Variants in ACBD6 observed in about 807,000 individuals in gnomAD.
ACBD6 encodes acyl-CoA-binding domain-containing protein 6.
In ACBD6, 28 loss-of-function variants were observed where a neutral mutation model predicts 37.2. The observed-to-expected ratio is 0.75, with a 90% CI of 0.56 to 1.03. The LOEUF (loss-of-function observed/expected upper bound fraction) is 1.03, where lower values mean the gene tolerates loss of function less well. Among genes scored for constraint, ACBD6 ranks in the 50% least tolerant of loss-of-function variants. The pLI, the probability that ACBD6 is intolerant of heterozygous loss-of-function variation, is 0.00. For missense variants in ACBD6, 340 were observed against 337.4 expected (o/e 1.01, Z -0.06); for synonymous variants, 113 against 126.8 (o/e 0.89, Z 0.73).
At chr1:180,301,574 C>T (rs1342312145) in intron 7 of ACBD6, among the ~76,000 whole-genome samples, 1 of 152,044 alleles carries the variant, frequency 6.6e-6, no homozygotes, top group Non-Finnish European at 1.5e-5. Flanking sequence ...TGGTGGCAGA[C>T]CTCAAGTTAT....
chr1:180,502,023 C>T, intron 1 of ACBD6, 22 bp downstream of exon 1: 1 of 1,610,708 alleles, frequency 6.2e-7, no homozygotes, highest in Non-Finnish European at 8.5e-7. Context: ...CTCCCCCATC[C>T]ACCCTCTCCC....
chr1:180,370,111 G>T (rs1297033352), intron 6 of ACBD6, among the ~76,000 whole-genome samples: 3 of 152,134 alleles, frequency 2.0e-5, no homozygotes, highest in Non-Finnish European at 4.4e-5. Context: ...AAATATCAAA[G>T]TCCCTATTCT....
chr1:180,404,793 T>C (rs1647542637), intron 5 of ACBD6, among the ~76,000 whole-genome samples: 1 of 152,138 alleles, frequency 6.6e-6, no homozygotes, highest in Admixed American at 6.5e-5. Context: ...GAACTGTAGA[T>C]TTAAAAATGA....
intron 3 of ACBD6, among the ~76,000 whole-genome samples, chr1:180,478,560 C>T (rs535813945): frequency 1.3e-4 from 20 of 151,756 alleles, no homozygotes; most frequent in Middle Eastern, 3.4e-3. Context: ...ACAATCTCGG[C>T]TCACTGCAAC....
At chr1:180,431,427 A>C (rs1281272060) in intron 3 of ACBD6, among the ~76,000 whole-genome samples, 1 of 152,228 alleles carries the variant, frequency 6.6e-6, no homozygotes, top group African/African-American at 2.4e-5. Flanking sequence ...AACAAGAAGC[A>C]CTAGGTAAAT....
chr1:180,281,276 A>G (rs2149273484), intron 9 of ACBD6: 2 of 152,352 alleles, frequency 1.3e-5, no homozygotes, highest in East Asian at 3.9e-4. Flanking sequence ...GAAAGATATC[A>G]CTAGCCAGAA....
At chr1:180,283,976 C>T (rs1321436425), downstream of ACBD6, among the ~76,000 whole-genome samples, 2 of 152,152 alleles carry the variant, frequency 1.3e-5, no homozygotes, top group Non-Finnish European at 2.9e-5. Context: ...ACTCGTCTCC[C>T]TGGACTAAGA....
intron 7 of ACBD6, among the ~76,000 whole-genome samples, chr1:180,294,069 G>T (rs944826692): frequency 1.4e-4 from 21 of 151,668 alleles, no homozygotes; most frequent in Non-Finnish European, 2.4e-4. Flanking sequence ...TAATTTTTGT[G>T]TATGTAGTAG....
intron 6 of ACBD6, among the ~76,000 whole-genome samples, chr1:180,381,502 A>C (rs146688548): frequency 1.5e-3 from 233 of 152,330 alleles, no homozygotes; most frequent in African/African-American, 5.4e-3. Context: ...AAAAAACTGA[A>C]ATCATATCAA....
chr1:180,493,619 T>A (rs1651612859), intron 2 of ACBD6, among the ~76,000 whole-genome samples: 1 of 152,238 alleles, frequency 6.6e-6, no homozygotes, highest in African/African-American at 2.4e-5. Flanking sequence ...TCATAACACT[T>A]CATCCCTAAA....
chr1:180,337,271 C>G (rs371715826), intron 6 of ACBD6, among the ~76,000 whole-genome samples: 18 of 152,080 alleles, frequency 1.2e-4, no homozygotes, highest in African/African-American at 4.3e-4. Context: ...ACTGAAAAAC[C>G]GAATCCAGCA....
chr1:180,441,895 G>T (rs958277978), intron 3 of ACBD6, among the ~76,000 whole-genome samples: 2 of 152,024 alleles, frequency 1.3e-5, no homozygotes, highest in Admixed American at 6.5e-5. Flanking sequence ...TAATTGCTCT[G>T]GCTAGAATTT....
intron 3 of ACBD6, among the ~76,000 whole-genome samples, chr1:180,467,124 T>C (rs767496517): frequency 2.6e-5 from 4 of 152,018 alleles, no homozygotes; most frequent in Non-Finnish European, 4.4e-5. Context: ...TATCTTTTAT[T>C]TTTTTAGAGC....
chr1:180,285,956 G>T (rs1392408906), downstream of ACBD6, among the ~76,000 whole-genome samples: 5 of 152,098 alleles, frequency 3.3e-5, no homozygotes, highest in Non-Finnish European at 5.9e-5. Flanking sequence ...AGGTTTAAAA[G>T]ATTTAGTTAG....
rs572326685 is a variant in ACBD6, at chr1:180,473,395, C to T, written c.384+18874G>A. On this transcript the variant is annotated intron_variant, in intron 3 of 7. Coordinates refer to ENST00000367595, the MANE Select transcript of ACBD6 (RefSeq NM_032360.4). ...CCGGGAGGCGGAGCTTGCAGTGAGC[C>T]GAGATCCCGCCACTGCACTCCAGCC... Among the ~76,000 whole-genome samples the T allele has an allele frequency of 1.5e-3, 218 of 144,488 alleles. 1 individual carries two copies. The highest frequency in any genetic ancestry group is 5.0e-3 in the African/African-American group (198 of 39,344). The allele number at this position is 144,488 out of a possible 152,430, so 94.8% of individuals were successfully genotyped here. A position where few individuals can be genotyped will look rare whatever the true frequency, so the allele number is the denominator to read the frequency against.
At chr1:180,455,351 TCA>T (rs1262569807) in intron 3 of ACBD6, among the ~76,000 whole-genome samples, 1 of 149,654 alleles carries the variant, frequency 6.7e-6, no homozygotes, top group African/African-American at 2.5e-5. Flanking sequence ...GAGGGGAACA[TCA>T]CACACCAGGG....
intron 1 of ACBD6, among the ~76,000 whole-genome samples, chr1:180,499,199 C>T (rs957390158): frequency 1.3e-5 from 2 of 152,088 alleles, no homozygotes; most frequent in African/African-American, 2.4e-5. Flanking sequence ...GAATACAAAA[C>T]GTTATTTTAT....
chr1:180,348,877 T>C (rs1652293043), intron 6 of ACBD6, among the ~76,000 whole-genome samples: 1 of 152,218 alleles, frequency 6.6e-6, no homozygotes, highest in Non-Finnish European at 1.5e-5. Context: ...TTAGGCAACA[T>C]ATCAACAAAT....
At chr1:180,422,966 C>CT (rs375309113) in intron 4 of ACBD6, among the ~76,000 whole-genome samples, 178 of 151,080 alleles carry the variant, frequency 1.2e-3, no homozygotes, top group Middle Eastern at 6.8e-3. Flanking sequence ...TGCATCTTTG[C>CT]TTTTTTTTTA....
Sources: allele counts gnomAD v4.1 joint callset (sites outside exome capture counted in the v4.1 genomes callset), GRCh38; gene constraint gnomAD v4.1.1; transcripts MANE v1.5; gene names NCBI Gene and HGNC (gene_info 2026-07-23, HGNC 2026-07-21).